The following TWIST2 variants were observed in gnomAD, a reference collection of about 807,000 sequenced individuals.
TWIST2 encodes the protein twist family bHLH transcription factor 2, also known as twist-related protein 2.
TWIST2 carries 1 observed loss-of-function variant against 11.6 expected under a neutral mutation model. The observed-to-expected ratio is 0.09, with a 90% confidence interval of 0.03 to 0.41. The LOEUF (loss-of-function observed/expected upper bound fraction) is 0.41, where lower values mean the gene tolerates loss of function less well. TWIST2 is among the 10% of genes least tolerant of loss of function. The pLI, the probability that TWIST2 is intolerant of heterozygous loss-of-function variation, is 0.98. For missense variants in TWIST2, 168 were observed against 226.4 expected (o/e 0.74, Z 1.66); for synonymous variants, 87 against 96.6 (o/e 0.90, Z 0.58).
rs1188605974 is a variant in TWIST2 at position 238,903,451 on chromosome 2, CTAA to C, written c.*36-6389_*36-6387del. Among the ~76,000 whole-genome samples the C allele has an allele frequency of 1.2e-3, 59 of 48,426 alleles. 1 individual carries two copies. The highest frequency in any genetic ancestry group is 5.0e-3 in the African/African-American group (59 of 11,700). 31.8% of individuals were successfully genotyped at this position (48,426 alleles called of 152,430 possible). On this transcript the variant is annotated intron_variant, in intron 1 of 1. Coordinates refer to ENST00000612363, the MANE Select transcript of TWIST2 (RefSeq NM_001271893.4). ...GATGTGTGTGATGTGGGGTGTGGGT[CTAA>C]TGTGAGGTGTGTGTGATGTGTGTGC...
intron 1 of TWIST2, among the ~76,000 whole-genome samples, chr2:238,856,926 G>A (rs1047400581): frequency 6.6e-6 from 1 of 152,164 alleles, no homozygotes; most frequent in African/African-American, 2.4e-5. Context: ...CTTCCTGTTT[G>A]GTCCCAGGCA....
At chr2:238,878,380 T>G (rs1028049874) in intron 1 of TWIST2, among the ~76,000 whole-genome samples, 9 of 152,126 alleles carry the variant, frequency 5.9e-5, no homozygotes, top group African/African-American at 2.2e-4. Flanking sequence ...TAATCTAGAG[T>G]GAAATGGCCA....
intron 1 of TWIST2, among the ~76,000 whole-genome samples, chr2:238,908,277 CCA>C (rs1314953725): frequency 6.7e-6 from 1 of 149,790 alleles, no homozygotes; most frequent in Non-Finnish European, 1.5e-5. Flanking sequence ...ACCATACATA[CCA>C]CACACTACAC....
In TWIST2 at chr2:238,848,094, G is replaced by A; in HGVS notation, c.-122G>A. ...CGGAGACCTCGGTTTTGCACAAGCC[G>A]GCCTTGAAATCAGAGCCTTTCCAGC... On this transcript the variant is annotated 5_prime_UTR_variant, in exon 1 of 2. Coordinates refer to ENST00000612363, the MANE Select transcript of TWIST2 (RefSeq NM_001271893.4). The A allele has an allele frequency of 1.2e-6, 1 of 813,992 alleles. No individual in the cohort carries two copies. Among genetic ancestry groups the A allele is most frequent in the South Asian group, 5.9e-5 (1 of 17,070 alleles). 50.4% of individuals were successfully genotyped at this position (813,992 alleles called of 1,614,324 possible).
intron 1 of TWIST2, among the ~76,000 whole-genome samples, chr2:238,893,637 G>A (rs1693174237): frequency 6.6e-6 from 1 of 152,196 alleles, no homozygotes; most frequent in East Asian, 1.9e-4. Flanking sequence ...CCTGGAACAC[G>A]GGCGCACCGA....
intron 1 of TWIST2, among the ~76,000 whole-genome samples, chr2:238,894,189 T>C (rs1430228214): frequency 6.6e-6 from 1 of 152,178 alleles, no homozygotes; most frequent in Non-Finnish European, 1.5e-5. Flanking sequence ...AGAATCTGCC[T>C]CTGAAGCCCC....
At chr2:238,880,142 TGTTA>T (rs1172764992) in intron 1 of TWIST2, among the ~76,000 whole-genome samples, 1 of 152,170 alleles carries the variant, frequency 6.6e-6, no homozygotes, top group East Asian at 1.9e-4. Context: ...AGTGTGTTAG[TGTTA>T]GTGTTAGTAT....
chr2:238,856,321 C>T (rs140705160), intron 1 of TWIST2, among the ~76,000 whole-genome samples: 134,984 of 152,220 alleles, frequency 0.89, 60,109 homozygotes, highest in African/African-American at 0.97. Context: ...ATAGAGATTT[C>T]CTTCTAATTA....
intron 1 of TWIST2, among the ~76,000 whole-genome samples, chr2:238,859,966 G>C (rs1488474121): frequency 1.3e-5 from 2 of 152,174 alleles, no homozygotes; most frequent in African/African-American, 4.8e-5. Flanking sequence ...CCTCCATGCT[G>C]CTTGCAGTCA....
chr2:238,891,867 T>G (rs1693139767), intron 1 of TWIST2, among the ~76,000 whole-genome samples: 1 of 152,146 alleles, frequency 6.6e-6, no homozygotes, highest in Admixed American at 6.5e-5. Flanking sequence ...CGCGGGGATG[T>G]CTTTCTGTGT....
In TWIST2 at chr2:238,864,923, C is replaced by A. The variant is rs1388208776; in HGVS notation, c.*35+16190C>A. ...GAGCAGAGAGCTCCGGAAGGCCTGCCGGGAGGACCTGGAGGATGCATCTAC... is the reference window on the plus strand; with the variant it reads ...GAGCAGAGAGCTCCGGAAGGCCTGCAGGGAGGACCTGGAGGATGCATCTAC... On this transcript the variant is annotated intron_variant, in intron 1 of 1. Coordinates refer to ENST00000612363, the MANE Select transcript of TWIST2 (RefSeq NM_001271893.4). The surrounding 1 kb of genome is among the most constrained non-coding windows in gnomAD (Gnocchi z 4.7). 6.6e-6 allele frequency among the ~76,000 whole-genome samples: 1 copy of A among 152,090 alleles called. No individual in the cohort carries two copies. The highest frequency in any genetic ancestry group is 2.4e-5 in the African/African-American group (1 of 41,416).
At chr2:238,889,786 A>G (rs1298376741) in intron 1 of TWIST2, among the ~76,000 whole-genome samples, 1 of 152,224 alleles carries the variant, frequency 6.6e-6, no homozygotes, top group African/African-American at 2.4e-5. Context: ...CGTTCATTAC[A>G]GATTTCTTAA....
intron 1 of TWIST2, among the ~76,000 whole-genome samples, chr2:238,851,960 C>G (rs1692249119): frequency 6.6e-6 from 1 of 152,116 alleles, no homozygotes; most frequent in African/African-American, 2.4e-5. Flanking sequence ...AGAGGGAATT[C>G]CTCAGACTTC....
At chr2:238,892,122 C>G (rs1693145523) in intron 1 of TWIST2, among the ~76,000 whole-genome samples, 1 of 152,174 alleles carries the variant, frequency 6.6e-6, no homozygotes, top group South Asian at 2.1e-4. Flanking sequence ...CCTCGGGACC[C>G]TGACTGTACA....
chr2:238,894,676 G>A (rs1184229477), intron 1 of TWIST2, among the ~76,000 whole-genome samples: 1 of 151,614 alleles, frequency 6.6e-6, no homozygotes, highest in African/African-American at 2.4e-5. Context: ...TTTACCCCCA[G>A]ATCCCTCTCC....
chr2:238,873,554 C>T (rs1374378346), intron 1 of TWIST2, among the ~76,000 whole-genome samples: 3 of 152,098 alleles, frequency 2.0e-5, no homozygotes, highest in Non-Finnish European at 2.9e-5. Flanking sequence ...CACGCATGAG[C>T]GCACACAAGA....
At chr2:238,884,600 G>C (rs117046436) in intron 1 of TWIST2, among the ~76,000 whole-genome samples, 1 of 152,202 alleles carries the variant, frequency 6.6e-6, no homozygotes. Flanking sequence ...AGGTGAGAAC[G>C]GCACCTTCAC....
At chr2:238,875,174 C>G (rs972384042) in intron 1 of TWIST2, among the ~76,000 whole-genome samples, 15 of 152,118 alleles carry the variant, frequency 9.9e-5, no homozygotes, top group Non-Finnish European at 1.8e-4. Context: ...TGGGCAAGCC[C>G]TGGCTGAAGA....
intron 1 of TWIST2, among the ~76,000 whole-genome samples, chr2:238,858,576 C>A (rs920262156): frequency 5.3e-5 from 8 of 152,270 alleles, no homozygotes; most frequent in Admixed American, 3.9e-4. Context: ...TCAAGTTAAG[C>A]AGTGGAGAAC....
Sources: allele counts gnomAD v4.1 joint callset (sites outside exome capture counted in the v4.1 genomes callset), GRCh38; gene constraint gnomAD v4.1.1; non-coding constraint Gnocchi (gnomAD v3.1); transcripts MANE v1.5; gene names NCBI Gene and HGNC (gene_info 2026-07-23, HGNC 2026-07-21).